FARP1: variants seen among roughly 807,000 people sequenced by gnomAD.
FARP1 encodes the protein FERM, ARHGEF and pleckstrin domain-containing protein 1.
FARP1 carries 52 observed loss-of-function variants against 128.8 expected under a neutral mutation model. The observed-to-expected ratio is 0.40, with a 90% CI of 0.32 to 0.51. The LOEUF (loss-of-function observed/expected upper bound fraction) is 0.51, where lower values mean the gene tolerates loss of function less well. Ranked by LOEUF, FARP1 falls within the 20% of genes least tolerant of loss-of-function variation. FARP1 has a pLI of 0.45. For missense variants in FARP1, 1,333 were observed against 1,367.9 expected (o/e 0.97, Z 0.40); for synonymous variants, 580 against 551.8 (o/e 1.05, Z -0.72).
At position 98,342,170 on chromosome 13, in the gene FARP1, G is replaced by A. The variant is rs901075872; in HGVS notation, c.172-1592G>A. Among the ~76,000 whole-genome samples, 6 of 152,198 alleles carry A rather than the reference G, an allele frequency of 3.9e-5. No homozygotes were observed. In the South Asian group the frequency reaches 8.3e-4, roughly 21 times the overall value. On this transcript the variant is annotated intron_variant, in intron 2 of 26. Transcript: ENST00000319562. The stretch of plus-strand genomic sequence containing the variant: ...AGAGTGCTACAGGAATGTAGAGGAG[G>A]AAACCATCCATGTCATATTTGTGGA...
intron 1 of FARP1, among the ~76,000 whole-genome samples, chr13:98,187,735 A>G (rs772961843): frequency 1.3e-5 from 2 of 152,212 alleles, no homozygotes; most frequent in African/African-American, 2.4e-5. Flanking sequence ...GCTGGAGACT[A>G]TAGCTGCAGA....
intron 2 of FARP1, among the ~76,000 whole-genome samples, chr13:98,305,046 G>T (rs1886079688): frequency 6.6e-6 from 1 of 151,858 alleles, no homozygotes; most frequent in South Asian, 2.1e-4. Flanking sequence ...GAGGAGTGAA[G>T]GTTCACTGTA....
chr13:98,358,450 A>T (rs1037108102), intron 3 of FARP1, among the ~76,000 whole-genome samples: 5 of 152,268 alleles, frequency 3.3e-5, no homozygotes, highest in Non-Finnish European at 7.3e-5. Flanking sequence ...TAGGAAAATA[A>T]ATCCAGTCCC....
intron 2 of FARP1, among the ~76,000 whole-genome samples, chr13:98,277,927 G>A (rs139003918): frequency 8.4e-4 from 66 of 78,490 alleles, no homozygotes; most frequent in African/African-American, 3.5e-3. Flanking sequence ...ATTGTGCAGC[G>A]AGGGTCAAAA....
At chr13:98,320,510 C>A (rs1352200794) in intron 2 of FARP1, among the ~76,000 whole-genome samples, 2 of 152,150 alleles carry the variant, frequency 1.3e-5, no homozygotes, top group Non-Finnish European at 2.9e-5. Context: ...ACCTCTTTAT[C>A]CCTAGCAGCA....
At chr13:98,317,601 G>C (rs950785767) in intron 2 of FARP1, among the ~76,000 whole-genome samples, 1 of 151,912 alleles carries the variant, frequency 6.6e-6, no homozygotes, top group Non-Finnish European at 1.5e-5. Flanking sequence ...AGAAGGTAAA[G>C]ATGGGGTTTG....
At chr13:98,314,274 CTTTTTTTTTTTT>C (rs140938723) in intron 2 of FARP1, among the ~76,000 whole-genome samples, 1 of 59,990 alleles carries the variant, frequency 1.7e-5, no homozygotes, top group Non-Finnish European at 2.9e-5. Context: ...TATTTTATGT[CTTTTTTTTTTTT>C]TTTTTTTTTT....
intron 5 of FARP1, among the ~76,000 whole-genome samples, chr13:98,370,526 G>T (rs902408840): frequency 6.7e-6 from 1 of 149,646 alleles, no homozygotes; most frequent in South Asian, 2.1e-4. Context: ...AGGTGGTGGT[G>T]GACTTTGAGG....
intron 1 of FARP1, chr13:98,177,161 C>G: frequency 1.9e-6 from 3 of 1,607,578 alleles, no homozygotes; most frequent in Non-Finnish European, 2.5e-6. Context: ...CCTTTCCGTC[C>G]AGGCTTTTTG....
chr13:98,229,437 T>A (rs1156239374), intron 2 of FARP1, among the ~76,000 whole-genome samples: 3 of 152,146 alleles, frequency 2.0e-5, no homozygotes, highest in Non-Finnish European at 2.9e-5. Flanking sequence ...AGTAACAATG[T>A]AAAATATTAT....
chr13:98,242,646 C>T (rs971409392), intron 2 of FARP1, among the ~76,000 whole-genome samples: 15 of 152,076 alleles, frequency 9.9e-5, no homozygotes, highest in African/African-American at 3.4e-4. Flanking sequence ...CACTGCATTC[C>T]GGCCTGGGCA....
intron 2 of FARP1, among the ~76,000 whole-genome samples, chr13:98,214,789 AT>A (rs1398657122): frequency 3.9e-5 from 6 of 152,196 alleles, no homozygotes; most frequent in Non-Finnish European, 8.8e-5. Context: ...GAACAAAGCT[AT>A]TGCTCATCTG....
chr13:98,275,626 C>CTTTTTTTT (rs1566822544), intron 2 of FARP1, among the ~76,000 whole-genome samples: 4 of 140,520 alleles, frequency 2.8e-5, no homozygotes. Flanking sequence ...TTCTCTTTCT[C>CTTTTTTTT]TCTTTTTTTT....
chr13:98,191,766 A>G (rs1015372990), intron 1 of FARP1, among the ~76,000 whole-genome samples: 3 of 152,010 alleles, frequency 2.0e-5, no homozygotes, highest in African/African-American at 7.3e-5. Context: ...AACATGGAAA[A>G]ACCCCGTCCC....
intron 16 of FARP1, among the ~76,000 whole-genome samples, chr13:98,418,550 G>A (rs1354830976): frequency 1.3e-5 from 2 of 152,212 alleles, no homozygotes; most frequent in African/African-American, 2.4e-5. Context: ...TGGGATTACA[G>A]GCGTTGAGCT....
At chr13:98,213,455 G>A (rs1038390763) in intron 2 of FARP1, 42 bp downstream of exon 2, 1 of 1,595,668 alleles carries the variant, frequency 6.3e-7, no homozygotes, top group Admixed American at 1.7e-5. Flanking sequence ...TGTGGTAGGG[G>A]ACAGCCTTTG....
At chr13:98,393,584 C>A (rs1179095312) in intron 11 of FARP1, 59 bp from the exon 12 acceptor site, 17 of 1,378,186 alleles carry the variant, frequency 1.2e-5, no homozygotes, top group Admixed American at 5.2e-5. Context: ...CATTTAAAAC[C>A]AAGGAAAAAG....
At chr13:98,412,711 G>T (rs1200937236) in intron 16 of FARP1, among the ~76,000 whole-genome samples, 1 of 152,162 alleles carries the variant, frequency 6.6e-6, no homozygotes, top group African/African-American at 2.4e-5. Flanking sequence ...CAAAAAACCA[G>T]GAAAAGCTTT....
intron 6 of FARP1, among the ~76,000 whole-genome samples, chr13:98,378,927 AC>A (rs1346743812): frequency 8.3e-6 from 1 of 120,014 alleles, no homozygotes; most frequent in Non-Finnish European, 1.6e-5. Context: ...TATAATATAT[AC>A]AATATATAAT....
Sources: gnomAD v4.1 joint callset for allele counts (sites outside exome capture counted in the v4.1 genomes callset) on GRCh38, gnomAD v4.1.1 for gene constraint, MANE v1.5 for transcripts, NCBI Gene and HGNC (gene_info 2026-07-23, HGNC 2026-07-21) for gene names.